ANO2: variants seen among roughly 807,000 people sequenced by gnomAD.
ANO2 encodes the protein anoctamin-2.
In ANO2, 101 loss-of-function variants were observed where a neutral mutation model predicts 124.2. The observed-to-expected ratio is 0.81, with a 90% CI of 0.69 to 0.96. The LOEUF (loss-of-function observed/expected upper bound fraction) is 0.96. ANO2 is among the 40% of genes least tolerant of loss of function. ANO2 has a pLI of 0.00. For missense variants in ANO2, 1,293 were observed against 1,274.5 expected (o/e 1.01, Z -0.22); for synonymous variants, 486 against 482.5 (o/e 1.01, Z -0.09).
At chr12:5,611,819 C>G (rs561846923) in intron 19 of ANO2, among the ~76,000 whole-genome samples, 1 of 152,150 alleles carries the variant, frequency 6.6e-6, no homozygotes, top group Non-Finnish European at 1.5e-5. Context: ...CCAGAATGGT[C>G]ATCTTTAAAG....
At chr12:5,614,610 C>T (rs1339817118) in intron 17 of ANO2, among the ~76,000 whole-genome samples, 2 of 152,180 alleles carry the variant, frequency 1.3e-5, no homozygotes, top group African/African-American at 4.8e-5. Context: ...GATTTACATC[C>T]CTCTACTACT....
chr12:5,602,744 T>G (rs1944003616), intron 19 of ANO2, among the ~76,000 whole-genome samples: 1 of 151,734 alleles, frequency 6.6e-6, no homozygotes, highest in African/African-American at 2.4e-5. Flanking sequence ...ACTTTAGGAA[T>G]AATGGAAAGG....
chr12:5,824,713 C>G (rs1156751896), intron 7 of ANO2, among the ~76,000 whole-genome samples: 2 of 152,186 alleles, frequency 1.3e-5, no homozygotes, highest in African/African-American at 4.8e-5. Context: ...CAATGCCCCA[C>G]TCTATTGGTA....
At chr12:5,644,751 T>C (rs936619807) in intron 15 of ANO2, among the ~76,000 whole-genome samples, 1 of 152,252 alleles carries the variant, frequency 6.6e-6, no homozygotes, top group South Asian at 2.1e-4. Flanking sequence ...AGAGATTCGG[T>C]TGATAGCAAA....
At position 5,635,350 on chromosome 12, in the gene ANO2, G is replaced by T; in HGVS notation, c.1621-3C>A. The T allele has an allele frequency of 6.4e-7, 1 of 1,552,444 alleles. No homozygotes were observed. The highest frequency in any genetic ancestry group is 8.7e-7 in the Non-Finnish European group (1 of 1,153,726). On this transcript the variant is annotated splice_region_variant and splice_polypyrimidine_tract_variant and intron_variant, in intron 15 of 24. Transcript: ENST00000682330. The surrounding 1 kb of genome is among the most constrained non-coding windows in gnomAD (Gnocchi z 5.2). ...ACGATTGAGAATGTCAGGGCAATCT[G>T]TTTGGGAAAACAGAGAGAAGTACAC... is the stretch of plus-strand genomic sequence containing the variant.
chr12:5,673,107 T>C (rs1308235614), intron 14 of ANO2, among the ~76,000 whole-genome samples: 10 of 152,220 alleles, frequency 6.6e-5, no homozygotes, highest in African/African-American at 1.7e-4. Flanking sequence ...ATTGTGAACA[T>C]GGAAGCAAAT....
chr12:5,609,628 G>A (rs977120445), intron 19 of ANO2, among the ~76,000 whole-genome samples: 11 of 152,100 alleles, frequency 7.2e-5, no homozygotes, highest in Non-Finnish European at 1.2e-4. Flanking sequence ...TACATGGAAT[G>A]GGGGATTGGG....
intron 19 of ANO2, among the ~76,000 whole-genome samples, chr12:5,606,361 G>A (rs1016607227): frequency 6.6e-6 from 1 of 152,094 alleles, no homozygotes; most frequent in African/African-American, 2.4e-5. Context: ...AACATCTTTG[G>A]CTTGCTACTG....
intron 23 of ANO2, among the ~76,000 whole-genome samples, chr12:5,572,114 A>G (rs1942162491): frequency 6.6e-6 from 1 of 152,202 alleles, no homozygotes; most frequent in Admixed American, 6.5e-5. Context: ...CTGCCCTCTG[A>G]AACCCCTACA....
chr12:5,911,967 G>C (rs1051067784), intron 3 of ANO2, among the ~76,000 whole-genome samples: 8 of 152,230 alleles, frequency 5.3e-5, no homozygotes, highest in African/African-American at 1.4e-4. Context: ...GTGATGCACA[G>C]ACCAGAAACC....
chr12:5,908,513 G>T lies in ANO2; in HGVS notation c.534+12527C>A, dbSNP rs191181664. Among the ~76,000 whole-genome samples, 245 of 152,344 alleles carry T rather than the reference G, an allele frequency of 1.6e-3. 1 individual carries two copies. Among genetic ancestry groups the T allele is most frequent in the African/African-American group, 5.7e-3 (237 of 41,568 alleles). ...AAGTCCAACTGCTGGCCACAGTGGA[G>T]TGGTTTGCAGTAGCCGAGACTCCCA... On this transcript the variant is annotated intron_variant, in intron 3 of 24. Transcript: ENST00000682330. The surrounding 1 kb of genome is among the most constrained non-coding windows in gnomAD (Gnocchi z 4.7).
chr12:5,898,133 T>C (rs1054370758), intron 3 of ANO2, among the ~76,000 whole-genome samples: 12 of 151,922 alleles, frequency 7.9e-5, no homozygotes, highest in Admixed American at 4.6e-4. Flanking sequence ...AAAAAAAATA[T>C]ATGAAAAGGT....
At chr12:5,930,907 T>A (rs935502054) in intron 1 of ANO2, among the ~76,000 whole-genome samples, 1 of 152,104 alleles carries the variant, frequency 6.6e-6, no homozygotes, top group African/African-American at 2.4e-5. Flanking sequence ...TGGGCTCTGC[T>A]TGTCTTATAG....
chr12:5,751,418 G>A (rs76288734), intron 10 of ANO2, among the ~76,000 whole-genome samples: 1 of 152,286 alleles, frequency 6.6e-6, no homozygotes, highest in African/African-American at 2.4e-5. Flanking sequence ...GTATACTTGG[G>A]TATGCAAACC....
At chr12:5,752,838 G>T (rs930403158) in intron 10 of ANO2, among the ~76,000 whole-genome samples, 1 of 152,038 alleles carries the variant, frequency 6.6e-6, no homozygotes, top group African/African-American at 2.4e-5. Flanking sequence ...GAGTTCTATT[G>T]TTTCAGGTTT....
At chr12:5,668,471 C>T (rs1947843171) in intron 14 of ANO2, among the ~76,000 whole-genome samples, 1 of 151,942 alleles carries the variant, frequency 6.6e-6, no homozygotes, top group Non-Finnish European at 1.5e-5. Flanking sequence ...GGATAAATTG[C>T]AAAAATTTTC....
intron 23 of ANO2, among the ~76,000 whole-genome samples, chr12:5,568,343 G>C (rs935437679): frequency 7.9e-5 from 12 of 151,796 alleles, no homozygotes; most frequent in African/African-American, 2.9e-4. Flanking sequence ...TGGTTTCACT[G>C]TGTTAGCCAA....
intron 3 of ANO2, among the ~76,000 whole-genome samples, chr12:5,917,103 C>T (rs1333903024): frequency 1.3e-5 from 2 of 151,986 alleles, no homozygotes; most frequent in Non-Finnish European, 2.9e-5. Context: ...GGTGGTTATA[C>T]AACAGGAACA....
At chr12:5,689,992 C>T (rs949368164) in intron 14 of ANO2, among the ~76,000 whole-genome samples, 2 of 152,170 alleles carry the variant, frequency 1.3e-5, no homozygotes, top group African/African-American at 4.8e-5. Context: ...GCAGCAGTGA[C>T]ATGTGTAAGT....
Sources: allele counts gnomAD v4.1 joint callset (sites outside exome capture counted in the v4.1 genomes callset), GRCh38; gene constraint gnomAD v4.1.1; non-coding constraint Gnocchi (gnomAD v3.1); transcripts MANE v1.5; gene names NCBI Gene and HGNC (gene_info 2026-07-23, HGNC 2026-07-21).